Variants in DST observed in about 807,000 individuals in gnomAD.
DST encodes the protein bullous pemphigoid antigen.
Under a neutral mutation model 875.2 loss-of-function variants are expected in DST, and 253 were observed. The ratio of observed to expected loss-of-function variants is 0.29; its 90% confidence interval spans 0.26 to 0.32. The LOEUF (loss-of-function observed/expected upper bound fraction) is 0.32. DST is among the 10% of genes least tolerant of loss of function. DST has a pLI of 1.00. For synonymous variants in DST, 3,124 were observed against 3,197.1 expected (o/e 0.98, Z 0.77); for missense variants, 8,287 against 9,111.6 (o/e 0.91, Z 3.68).
intron 9 of DST, among the ~76,000 whole-genome samples, chr6:56,699,008 AG>A (rs2099278857): frequency 6.6e-6 from 1 of 152,224 alleles, no homozygotes; most frequent in Non-Finnish European, 1.5e-5. Context: ...GCAGACCAGC[AG>A]TTAGTAAACT....
At chr6:56,557,295 G>C in intron 59 of DST, 24 bp downstream of exon 59, 2 of 1,595,696 alleles carry the variant, frequency 1.3e-6, no homozygotes, top group Non-Finnish European at 1.7e-6. Flanking sequence ...ATGCACGAGA[G>C]ACAGGTTATT....
At chr6:56,763,038 T>C (rs1348428348) in intron 4 of DST, among the ~76,000 whole-genome samples, 1 of 151,834 alleles carries the variant, frequency 6.6e-6, no homozygotes, top group Non-Finnish European at 1.5e-5. Context: ...TTACTAGAGA[T>C]GGGGTTTCGA....
chr6:56,683,382 C>T (rs1191349483), intron 9 of DST, among the ~76,000 whole-genome samples: 1 of 152,218 alleles, frequency 6.6e-6, no homozygotes, highest in African/African-American at 2.4e-5. Flanking sequence ...TATTATTGTA[C>T]TCTCATTCCC....
chr6:56,910,965 T>C (rs1249258317), intron 2 of DST, among the ~76,000 whole-genome samples: 1 of 152,198 alleles, frequency 6.6e-6, no homozygotes, highest in African/African-American at 2.4e-5. Flanking sequence ...GTTTTGTAAA[T>C]GAAAATATTT....
intron 4 of DST, among the ~76,000 whole-genome samples, chr6:56,747,042 T>C (rs1167776067): frequency 1.3e-5 from 2 of 152,152 alleles, no homozygotes; most frequent in Non-Finnish European, 2.9e-5. Context: ...CAGTCTGAGA[T>C]ACAAAACAGT....
At chr6:56,463,795 A>G (rs377398339) in intron 100 of DST, 31 bp from the exon 101 acceptor site, 124 of 1,610,820 alleles carry the variant, frequency 7.7e-5, no homozygotes, top group Non-Finnish European at 9.8e-5. Flanking sequence ...AATGCACACA[A>G]AGAAAAGACG....
chr6:56,704,487 AT>A (rs2099324952), intron 5 of DST, 118 bp from the exon 6 acceptor site: 1 of 521,092 alleles, frequency 1.9e-6, no homozygotes, highest in African/African-American at 2.0e-5. Context: ...TCATGCACCT[AT>A]TTTTAAATTT....
In DST at chr6:56,493,292, G is replaced by T. The variant is rs529132489; in HGVS notation, c.20395-203C>A. Among the ~76,000 whole-genome samples, 268 of 152,136 alleles carry T rather than the reference G, an allele frequency of 1.8e-3. 3 individuals are homozygous for T. The highest frequency in any genetic ancestry group is 4.7e-4 in the Non-Finnish European group (32 of 67,998). On this transcript the variant is annotated intron_variant, in intron 83 of 103. Transcript: ENST00000680361. ...CAAAACCCTTTAAGCCTAGTAAGCA[G>T]CATCTCACTGTAACTAAAAAAAAAT...
chr6:56,498,115 G>T, intron 80 of DST, 62 bp from the exon 81 acceptor site: 3 of 1,453,548 alleles, frequency 2.1e-6, no homozygotes, highest in Non-Finnish European at 1.9e-6. Context: ...CATCTTTAAT[G>T]CAATTGTTTT....
At chr6:56,775,225 T>A (rs2099676417) in intron 4 of DST, among the ~76,000 whole-genome samples, 1 of 152,116 alleles carries the variant, frequency 6.6e-6, no homozygotes, top group South Asian at 2.1e-4. Context: ...CCTCTCCTCA[T>A]CCTCTTCAGC....
At position 56,640,134 on chromosome 6, in the gene DST, T is replaced by C. The variant is rs759815239; in HGVS notation, c.2490+9A>G. 192 of 1,613,042 alleles carry C rather than the reference T, an allele frequency of 1.2e-4. No individual in the cohort carries two copies. Among genetic ancestry groups the C allele is most frequent in the South Asian group, 7.6e-4 (69 of 91,044 alleles). ...CTGAAACACTCAGGTAAAGTAAACA[T>C]TTTTTTACCTGCATCTCATCAACCC... On this transcript the variant is annotated intron_variant, in intron 18 of 103. Transcript: ENST00000680361.
intron 95 of DST, 76 bp downstream of exon 95, chr6:56,471,030 C>G (rs1315669646): frequency 1.1e-5 from 15 of 1,414,460 alleles, no homozygotes; most frequent in Non-Finnish European, 1.4e-5. Flanking sequence ...CACAAGTTTA[C>G]CAGACCCACA....
At chr6:56,692,811 C>G in intron 9 of DST, 1 of 1,289,810 alleles carries the variant, frequency 7.8e-7, no homozygotes, top group African/African-American at 1.5e-5. Context: ...TTACAGCACT[C>G]GGCAGAAGTT....
chr6:56,855,602 T>C (rs776900035), intron 3 of DST, among the ~76,000 whole-genome samples: 11 of 152,256 alleles, frequency 7.2e-5, no homozygotes, highest in Non-Finnish European at 1.3e-4. Flanking sequence ...ACATTGTTTA[T>C]TGTCATGCAT....
chr6:56,495,830 G>T (rs1408202481), intron 82 of DST, among the ~76,000 whole-genome samples: 1 of 152,068 alleles, frequency 6.6e-6, no homozygotes, highest in Non-Finnish European at 1.5e-5. Flanking sequence ...TTAAACTACT[G>T]ATGGTGATTG....
At chr6:56,568,892 C>A (rs2097726753) in intron 54 of DST, among the ~76,000 whole-genome samples, 1 of 152,074 alleles carries the variant, frequency 6.6e-6, no homozygotes, top group African/African-American at 2.4e-5. Context: ...AAATAACTGT[C>A]AACTGTAAGT....
chr6:56,763,265 T>A (rs546455655), intron 4 of DST, among the ~76,000 whole-genome samples: 1 of 152,196 alleles, frequency 6.6e-6, no homozygotes, highest in African/African-American at 2.4e-5. Flanking sequence ...ACATAAGCAT[T>A]AATTCATGCC....
At chr6:56,615,680 T>A (rs1375780676) in intron 36 of DST, 1 of 1,614,190 alleles carries the variant, frequency 6.2e-7, no homozygotes, top group Non-Finnish European at 8.5e-7. Context: ...ATATGACTTT[T>A]GATCTTTGAG....
At chr6:56,473,851 A>T in intron 93 of DST, 22 bp downstream of exon 93, 2 of 1,576,438 alleles carry the variant, frequency 1.3e-6, no homozygotes, top group Middle Eastern at 1.7e-4. Flanking sequence ...TTGACATTTT[A>T]AAGAAATTGA....
Sources: allele counts gnomAD v4.1 joint callset (sites outside exome capture counted in the v4.1 genomes callset), GRCh38; gene constraint gnomAD v4.1.1; transcripts MANE v1.5; gene names NCBI Gene and HGNC (gene_info 2026-07-23, HGNC 2026-07-21).